The following RAD51B variants were observed in gnomAD, a reference collection of about 807,000 sequenced individuals.
RAD51B encodes RAD51 paralog B.
RAD51B carries 38 observed loss-of-function variants against 42.2 expected under a neutral mutation model. The observed-to-expected ratio is 0.90, with a 90% CI of 0.70 to 1.18. RAD51B has a LOEUF of 1.18. RAD51B is among the 50% of genes most tolerant of loss of function. The probability of loss-of-function intolerance (pLI) is 0.00; values close to 1 mark genes in which losing one functional copy is unlikely to be tolerated. For synonymous variants in RAD51B, 154 were observed against 145.2 expected (o/e 1.06, Z -0.43); for missense variants, 373 against 400.7 (o/e 0.93, Z 0.59).
intron 4 of RAD51B, chr14:67,864,707 C>A: frequency 4.1e-6 from 2 of 492,380 alleles, no homozygotes; most frequent in Non-Finnish European, 7.8e-6. Flanking sequence ...AATGTTTCAG[C>A]CTTTCTCAAC....
At chr14:68,569,990 CTTTG>C (rs1889614614) in intron 10 of RAD51B, among the ~76,000 whole-genome samples, 1 of 152,256 alleles carries the variant, frequency 6.6e-6, no homozygotes, top group Admixed American at 6.5e-5. Context: ...GTTTCACCTT[CTTTG>C]TTTGTCTTGC....
chr14:67,848,692 C>G (rs1157137905), intron 4 of RAD51B, among the ~76,000 whole-genome samples: 5 of 152,096 alleles, frequency 3.3e-5, no homozygotes, highest in African/African-American at 1.2e-4. Context: ...GGGCTATGTA[C>G]TTAAGTGTGT....
chr14:68,378,785 C>T (rs532294946), intron 8 of RAD51B, among the ~76,000 whole-genome samples: 2 of 151,800 alleles, frequency 1.3e-5, no homozygotes, highest in South Asian at 4.2e-4. Context: ...TCTGTGATCT[C>T]AAGATTGAAT....
intron 10 of RAD51B, among the ~76,000 whole-genome samples, chr14:68,621,246 C>T (rs991870224): frequency 6.6e-6 from 1 of 152,202 alleles, no homozygotes; most frequent in Non-Finnish European, 1.5e-5. Flanking sequence ...AGCCCCTTGC[C>T]AGAGAGAACC....
At chr14:68,038,801 A>G (rs1241978069) in intron 7 of RAD51B, among the ~76,000 whole-genome samples, 1 of 152,180 alleles carries the variant, frequency 6.6e-6, no homozygotes, top group Non-Finnish European at 1.5e-5. Context: ...AAATTAAACT[A>G]TATAAACTTA....
chr14:68,628,636 C>T (rs542557096), intron 10 of RAD51B, among the ~76,000 whole-genome samples: 32 of 152,300 alleles, frequency 2.1e-4, no homozygotes, highest in African/African-American at 7.2e-4. Flanking sequence ...TGGGGACGCT[C>T]CGGTTGCGCC....
chr14:68,028,019 G>A (rs1405142683), intron 7 of RAD51B, among the ~76,000 whole-genome samples: 1 of 152,132 alleles, frequency 6.6e-6, no homozygotes, highest in Non-Finnish European at 1.5e-5. Flanking sequence ...TATTTTCAGA[G>A]GGTCAGGACT....
At chr14:68,014,778 A>G (rs1349065646) in intron 7 of RAD51B, among the ~76,000 whole-genome samples, 1 of 151,254 alleles carries the variant, frequency 6.6e-6, no homozygotes. Context: ...AACTGATTAC[A>G]TTGATTGGAA....
intron 7 of RAD51B, among the ~76,000 whole-genome samples, chr14:67,889,775 T>G (rs181121898): frequency 9.2e-5 from 14 of 152,078 alleles, no homozygotes; most frequent in Admixed American, 3.3e-4. Flanking sequence ...TTAATATCTT[T>G]CAGAAGTTTT....
At chr14:68,129,657 G>A (rs1463533424) in intron 7 of RAD51B, among the ~76,000 whole-genome samples, 1 of 152,148 alleles carries the variant, frequency 6.6e-6, no homozygotes, top group Non-Finnish European at 1.5e-5. Context: ...AAAGATGTTG[G>A]TCATCTATAG....
chr14:68,377,821 T>C (rs2083401506), intron 8 of RAD51B, among the ~76,000 whole-genome samples: 1 of 152,216 alleles, frequency 6.6e-6, no homozygotes, highest in South Asian at 2.1e-4. Context: ...CCTTCATCTG[T>C]AAAGGGAAGG....
At chr14:68,077,343 G>T (rs1397292001) in intron 7 of RAD51B, among the ~76,000 whole-genome samples, 1 of 152,132 alleles carries the variant, frequency 6.6e-6, no homozygotes, top group East Asian at 1.9e-4. Flanking sequence ...ACAAGATATT[G>T]TCCCTGCCCC....
chr14:68,047,715 G>A (rs1595315527), intron 7 of RAD51B, among the ~76,000 whole-genome samples: 1 of 152,138 alleles, frequency 6.6e-6, no homozygotes, highest in African/African-American at 2.4e-5. Context: ...CTATGAGGGT[G>A]GGTATAGTTA....
intron 10 of RAD51B, among the ~76,000 whole-genome samples, chr14:68,626,192 AG>A (rs1230213313): frequency 6.6e-6 from 1 of 152,224 alleles, no homozygotes; most frequent in Non-Finnish European, 1.5e-5. Context: ...TGGCACAGTT[AG>A]TGAGCAGTGC....
chr14:68,012,441 T>G (rs1365254191), intron 7 of RAD51B, among the ~76,000 whole-genome samples: 1 of 151,706 alleles, frequency 6.6e-6, no homozygotes, highest in Admixed American at 6.6e-5. Context: ...TTTATATATA[T>G]ATATCTAGAG....
intron 10 of RAD51B, among the ~76,000 whole-genome samples, chr14:68,589,590 G>A (rs540803296): frequency 3.9e-5 from 6 of 152,174 alleles, no homozygotes; most frequent in African/African-American, 7.2e-5. Flanking sequence ...TCCTTTGCAC[G>A]TATGCTGGTC....
At chr14:68,301,022 G>A (rs923817188) in intron 8 of RAD51B, among the ~76,000 whole-genome samples, 6 of 152,192 alleles carry the variant, frequency 3.9e-5, no homozygotes, top group African/African-American at 1.4e-4. Context: ...TCTGAGTTTT[G>A]TGGGTTAAAA....
chr14:68,435,499 T>G (rs1025708762), intron 9 of RAD51B, among the ~76,000 whole-genome samples: 12 of 151,748 alleles, frequency 7.9e-5, no homozygotes, highest in African/African-American at 2.2e-4. Context: ...TTGGTTTTTT[T>G]TTTTTTTTTT....
Position 68,148,280 on chromosome 14 carries a change from A to T in RAD51B, c.757-143604A>T, listed in dbSNP as rs143419796. ...GTTTATGGCTATTACAAATAAATCT[A>T]CTATGAACATTTGACTACAAATTTT... On this transcript the variant is annotated intron_variant, in intron 7 of 10. Transcript: ENST00000471583. 5.2e-3 allele frequency among the ~76,000 whole-genome samples: 797 copies of T among 152,336 alleles called. 2 individuals are homozygous for T. The highest frequency in any genetic ancestry group is 0.017 in the African/African-American group (724 of 41,578).
Sources: gnomAD v4.1 joint callset for allele counts (sites outside exome capture counted in the v4.1 genomes callset) on GRCh38, gnomAD v4.1.1 for gene constraint, MANE v1.5 for transcripts, NCBI Gene and HGNC (gene_info 2026-07-23, HGNC 2026-07-21) for gene names.